Variants in PALM2AKAP2 observed in about 807,000 individuals in gnomAD.
The protein encoded by PALM2AKAP2 is PALM2-AKAP2 fusion protein.
In PALM2AKAP2, 37 loss-of-function variants were observed where a neutral mutation model predicts 71.5. The ratio of observed to expected loss-of-function variants is 0.52; its 90% CI spans 0.40 to 0.68. PALM2AKAP2 has a LOEUF of 0.68. Ranked by LOEUF, PALM2AKAP2 falls within the 30% of genes least tolerant of loss-of-function variation. The pLI, the probability that PALM2AKAP2 is intolerant of heterozygous loss-of-function variation, is 0.00. For missense variants in PALM2AKAP2, 1,224 were observed against 1,191.8 expected (o/e 1.03, Z -0.40); for synonymous variants, 468 against 478.8 (o/e 0.98, Z 0.29).
At chr9:110,143,392 A>G (rs1836082289) in intron 2 of PALM2AKAP2, among the ~76,000 whole-genome samples, 2 of 133,364 alleles carry the variant, frequency 1.5e-5, no homozygotes, top group African/African-American at 5.8e-5. Context: ...ATTGTACTCC[A>G]GGCTGGGCAG....
chr9:109,682,885 A>G (rs1172853897), intron 1 of PALM2AKAP2, among the ~76,000 whole-genome samples: 1 of 152,208 alleles, frequency 6.6e-6, no homozygotes, highest in Non-Finnish European at 1.5e-5. Context: ...ACCTGTGAAC[A>G]TGACATTATT....
chr9:110,075,851 A>C (rs1834309032), intron 1 of PALM2AKAP2, among the ~76,000 whole-genome samples: 1 of 152,066 alleles, frequency 6.6e-6, no homozygotes, highest in Non-Finnish European at 1.5e-5. Flanking sequence ...TTGACATGTT[A>C]TATAATTTAT....
chr9:109,688,013 T>C (rs1026535376), intron 1 of PALM2AKAP2, among the ~76,000 whole-genome samples: 1 of 152,152 alleles, frequency 6.6e-6, no homozygotes, highest in Admixed American at 6.5e-5. Context: ...CACACAGCAT[T>C]CATTAAGTTC....
At chr9:110,053,614 G>A (rs10980164) in intron 1 of PALM2AKAP2, among the ~76,000 whole-genome samples, 36,872 of 151,698 alleles carry the variant, frequency 0.24, 5,648 homozygotes, top group East Asian at 0.39. Context: ...TTCCCATCTT[G>A]GTGACAGTTT....
At position 109,909,479 on chromosome 9, in the gene PALM2AKAP2, A is replaced by G. The variant is rs182582632; in HGVS notation, c.258-14256A>G. Among the ~76,000 whole-genome samples, 11 of 152,332 alleles carry G rather than the reference A, an allele frequency of 7.2e-5. No individual in the cohort carries two copies. The East Asian group carries it at 1.3e-3, about 19-fold the overall frequency. The stretch of plus-strand genomic sequence containing the variant: ...AACCAACACTTACTGAGAACTTTCA[A>G]TGAGGCAGGTTCCTTGCTAGATACA... On this transcript the variant is annotated intron_variant, in intron 3 of 9. Transcript: ENST00000302798.
At chr9:109,752,910 C>A (rs1453548290) in intron 1 of PALM2AKAP2, among the ~76,000 whole-genome samples, 1 of 152,070 alleles carries the variant, frequency 6.6e-6, no homozygotes, top group Non-Finnish European at 1.5e-5. Context: ...AGAGAAAAAG[C>A]AACTGGCTTT....
chr9:109,868,676 T>C (rs1257315349), intron 2 of PALM2AKAP2, among the ~76,000 whole-genome samples: 1 of 152,228 alleles, frequency 6.6e-6, no homozygotes, highest in Non-Finnish European at 1.5e-5. Flanking sequence ...GACCTATATC[T>C]GCTTAGCATG....
At chr9:109,847,429 G>A (rs1441219399) in intron 1 of PALM2AKAP2, among the ~76,000 whole-genome samples, 1 of 152,152 alleles carries the variant, frequency 6.6e-6, no homozygotes, top group Non-Finnish European at 1.5e-5. Context: ...CTGGCCTCCA[G>A]AACTGTGAGA....
At chr9:109,841,302 T>G (rs1587950289) in intron 1 of PALM2AKAP2, among the ~76,000 whole-genome samples, 2 of 128,210 alleles carry the variant, frequency 1.6e-5, no homozygotes, top group African/African-American at 3.0e-5. Flanking sequence ...CACTCATAGG[T>G]GGGAATTGAA....
intron 1 of PALM2AKAP2, among the ~76,000 whole-genome samples, chr9:109,798,400 T>C (rs1827324759): frequency 6.6e-6 from 1 of 152,204 alleles, no homozygotes; most frequent in Admixed American, 6.5e-5. Flanking sequence ...GCAGTAGAAA[T>C]TGTGTCCCAG....
chr9:109,867,493 A>G (rs757337792), exon 2 of PALM2AKAP2: 1 of 1,611,642 alleles, frequency 6.2e-7, no homozygotes, highest in South Asian at 1.1e-5. Flanking sequence ...TTTTCAAGGA[A>G]AAAAGAAAGA....
At chr9:110,043,415 T>C (rs541521157) in intron 7 of PALM2AKAP2, among the ~76,000 whole-genome samples, 1 of 152,318 alleles carries the variant, frequency 6.6e-6, no homozygotes, top group East Asian at 1.9e-4. Context: ...ATTCCAAAAA[T>C]GAATTGCAGG....
intron 7 of PALM2AKAP2, among the ~76,000 whole-genome samples, chr9:110,017,357 T>C (rs955178591): frequency 3.3e-5 from 5 of 152,260 alleles, no homozygotes; most frequent in African/African-American, 1.2e-4. Flanking sequence ...GCCTGATTAG[T>C]CAAAAAGTCA....
At chr9:109,965,467 G>A (rs1363555805) in intron 6 of PALM2AKAP2, among the ~76,000 whole-genome samples, 3 of 152,202 alleles carry the variant, frequency 2.0e-5, no homozygotes, top group African/African-American at 4.8e-5. Context: ...ATAGTGCTAA[G>A]TTAAACAAGC....
intron 3 of PALM2AKAP2, among the ~76,000 whole-genome samples, chr9:109,897,938 T>TA (rs1449784785): frequency 6.6e-6 from 1 of 152,226 alleles, no homozygotes; most frequent in African/African-American, 2.4e-5. Context: ...GAAGCCCATT[T>TA]ACTGTTTGGA....
intron 1 of PALM2AKAP2, among the ~76,000 whole-genome samples, chr9:109,745,374 A>G (rs565185876): frequency 6.6e-6 from 1 of 152,200 alleles, no homozygotes; most frequent in East Asian, 1.9e-4. Flanking sequence ...AAATAAAAAT[A>G]AGGCTCATAG....
chr9:109,906,549 G>A (rs1241234482), intron 3 of PALM2AKAP2, among the ~76,000 whole-genome samples: 1 of 152,118 alleles, frequency 6.6e-6, no homozygotes, highest in East Asian at 1.9e-4. Context: ...AGCCTGTGCA[G>A]CCACACAAAT....
At chr9:109,858,756 T>C (rs570919013) in intron 1 of PALM2AKAP2, among the ~76,000 whole-genome samples, 4 of 152,330 alleles carry the variant, frequency 2.6e-5, no homozygotes, top group Non-Finnish European at 2.9e-5. Context: ...GGCTTATCAA[T>C]GTGGTGTCAT....
chr9:109,934,029 T>C (rs1226132891), intron 6 of PALM2AKAP2, among the ~76,000 whole-genome samples: 1 of 152,246 alleles, frequency 6.6e-6, no homozygotes, highest in African/African-American at 2.4e-5. Context: ...AAATGTCACT[T>C]GTCATTACTG....
Sources: allele counts gnomAD v4.1 joint callset (sites outside exome capture counted in the v4.1 genomes callset), GRCh38; gene constraint gnomAD v4.1.1; transcripts MANE v1.5; gene names NCBI Gene and HGNC (gene_info 2026-07-23, HGNC 2026-07-21).